The following FRG2C variants were observed in gnomAD, a reference collection of about 807,000 sequenced individuals.
The protein encoded by FRG2C is FSHD region gene 2 family member C.
Under a neutral mutation model 14.1 loss-of-function variants are expected in FRG2C, and 8 were observed. That is an observed-to-expected ratio of 0.57 (90% CI 0.33 to 1.02). FRG2C has a LOEUF of 1.02. FRG2C is among the 50% of genes least tolerant of loss of function. The pLI is 0.03. For synonymous variants in FRG2C, 92 were observed against 127.4 expected (o/e 0.72, Z 1.87); for missense variants, 214 against 334.2 (o/e 0.64, Z 2.80).
At chr3:75,665,081 G>T (rs1937049187) in intron 2 of FRG2C, 45 bp from the exon 3 acceptor site, 1 of 1,606,366 alleles carries the variant, frequency 6.2e-7, no homozygotes, top group Non-Finnish European at 8.5e-7. Context: ...GAATTTCAGG[G>T]TGTTCAGTTG....
chr3:75,665,571 T>G lies in FRG2C; in HGVS notation c.379T>G (p.Ser127Ala). ...GTGCAACTTGACGTTGAATAAAAAA[T>G]CAAGATCCTCCACTGCTGTGCACAA... ...EECNLTLNKK[S>A]RSSTAVHNSE... Residue 127 changes from serine to alanine, a missense_variant, in exon 4 of 4, where the codon TCA becomes GCA. Ser to Ala is a moderately conservative substitution (Grantham distance 99). This residue lies in a region of FRG2C where 136 missense variants were observed against 148.1 expected (regional missense o/e 0.92). Transcript: ENST00000308062. 1.9e-6 allele frequency: 3 copies of G among 1,613,962 alleles called. No individual in the cohort carries two copies. The highest frequency in any genetic ancestry group is 2.5e-6 in the Non-Finnish European group (3 of 1,179,828).
chr3:75,664,814 T>G lies in FRG2C; in HGVS notation c.179-5T>G. 1 of 1,614,180 alleles carries G rather than the reference T, an allele frequency of 6.2e-7. No homozygotes were observed. The highest frequency in any genetic ancestry group is 8.5e-7 in the Non-Finnish European group (1 of 1,180,028). ...GAGGTGAGCCATCTAAACCTTCTCTTGCAGCAGGATCAGATCCCAATCCAA... is the reference window on the plus strand; with the variant it reads ...GAGGTGAGCCATCTAAACCTTCTCTGGCAGCAGGATCAGATCCCAATCCAA... On this transcript the variant is annotated splice_region_variant and splice_polypyrimidine_tract_variant and intron_variant, in intron 1 of 3. Coordinates refer to ENST00000308062, the MANE Select transcript of FRG2C (RefSeq NM_001124759.5).
intron 3 of FRG2C, among the ~76,000 whole-genome samples, 159 bp downstream of exon 3, chr3:75,665,362 A>C (rs1424782401): frequency 1.3e-5 from 2 of 152,304 alleles, no homozygotes; most frequent in African/African-American, 2.4e-5. Flanking sequence ...CACTCTGAGA[A>C]TATTTGGGGA....
rs1208149846 is a variant in FRG2C, at chr3:75,666,237, T to C, written c.*196T>C. On this transcript the variant is annotated 3_prime_UTR_variant, in exon 4 of 4. Coordinates refer to ENST00000308062, the MANE Select transcript of FRG2C (RefSeq NM_001124759.5). ...TGAATTTTGCAGACCGCTAAGGCTA[T>C]AGACAAATTTTATATTTCATGTTAG... is the stretch of plus-strand genomic sequence containing the variant. 366 of 1,218,126 alleles carry C rather than the reference T, an allele frequency of 3.0e-4. No homozygotes were observed. In the African/African-American group the frequency reaches 4.9e-3, roughly 16 times the overall value. 75.5% of individuals were successfully genotyped at this position (1,218,126 alleles called of 1,614,324 possible). A position where few individuals can be genotyped will look rare whatever the true frequency, so the allele number is the denominator to read the frequency against.
chr3:75,665,353 A>G, intron 3 of FRG2C, 150 bp downstream of exon 3: 1 of 1,428,034 alleles, frequency 7.0e-7, no homozygotes, highest in South Asian at 1.3e-5. Flanking sequence ...AGATCCTAGC[A>G]CTCTGAGAAT....
Position 75,666,158 on chromosome 3 carries a change from C to G in FRG2C, c.*117C>G. The G allele has an allele frequency of 6.4e-7, 1 of 1,565,174 alleles. No homozygotes were observed. The highest frequency in any genetic ancestry group is 1.4e-5 in the African/African-American group (1 of 73,620). On this transcript the variant is annotated 3_prime_UTR_variant, in exon 4 of 4. Transcript: ENST00000308062. ...TGCACTGTGTTAATAAATGACAGAA[C>G]CTGAAGAAGTCATAGGAAAGAAACT...
In FRG2C at chr3:75,665,518, T is replaced by G. The variant is rs1937065852; in HGVS notation, c.335-9T>G. 2 of 1,610,926 alleles carry G rather than the reference T, an allele frequency of 1.2e-6. No individual in the cohort carries two copies. The highest frequency in any genetic ancestry group is 1.7e-5 in the Admixed American group (1 of 59,742). ...GCTCTGGTGAGTCTCTCACATGCTT[T>G]CTTTGCAGGGAACTGTCCAGAAGAG... On this transcript the variant is annotated splice_polypyrimidine_tract_variant and intron_variant, in intron 3 of 3. Coordinates refer to ENST00000308062, the MANE Select transcript of FRG2C (RefSeq NM_001124759.5).
In FRG2C at chr3:75,665,288, CTT is replaced by C. The variant is rs1429804150; in HGVS notation, c.334+88_334+89del. The C allele has an allele frequency of 7.4e-5, 110 of 1,486,122 alleles. No individual in the cohort carries two copies. The South Asian group carries it at 1.1e-3, about 15-fold the overall frequency. The allele number at this position is 1,486,122 out of a possible 1,614,324, so 92.1% of individuals were successfully genotyped here. ...CCCCAAAAGGCAAATAATCAGGAAACTTTTATACGAGGCTTGAGCGGAAAGGG... is the reference window on the plus strand; with the variant it reads ...CCCCAAAAGGCAAATAATCAGGAAACTTATACGAGGCTTGAGCGGAAAGGG... On this transcript the variant is annotated intron_variant, in intron 3 of 3. Transcript: ENST00000308062.
chr3:75,665,285 A>G, intron 3 of FRG2C, 82 bp downstream of exon 3: 1 of 1,490,642 alleles, frequency 6.7e-7, no homozygotes, highest in East Asian at 2.3e-5. Context: ...AATAATCAGG[A>G]AACTTTTATA....
Position 75,665,519 on chromosome 3 carries a change from C to T in FRG2C, c.335-8C>T. ...CTCTGGTGAGTCTCTCACATGCTTT[C>T]TTTGCAGGGAACTGTCCAGAAGAGG... On this transcript the variant is annotated splice_region_variant and splice_polypyrimidine_tract_variant and intron_variant, in intron 3 of 3. Coordinates refer to ENST00000308062, the MANE Select transcript of FRG2C (RefSeq NM_001124759.5). 6.2e-7 allele frequency: 1 copy of T among 1,611,026 alleles called. No individual in the cohort carries two copies. Among genetic ancestry groups the T allele is most frequent in the African/African-American group, 1.3e-5 (1 of 74,882 alleles).
rs1202402500 is a variant in FRG2C, at chr3:75,666,042, C to T, written c.*1C>T. 5.0e-6 allele frequency: 8 copies of T among 1,612,110 alleles called. No individual in the cohort carries two copies. In the Admixed American group the frequency reaches 5.0e-5, roughly 10 times the overall value. On this transcript the variant is annotated 3_prime_UTR_variant, in exon 4 of 4. Coordinates refer to ENST00000308062, the MANE Select transcript of FRG2C (RefSeq NM_001124759.5). ...TGAGGCTAAGCTGGGAGCACCCTGACCCTATTCAGCAGAGATGCAGCTCTG... is the reference window on the plus strand; with the variant it reads ...TGAGGCTAAGCTGGGAGCACCCTGATCCTATTCAGCAGAGATGCAGCTCTG...
rs62247157 is a variant in FRG2C, at chr3:75,665,551, A to T, written c.359A>T (p.Asn120Ile). The T allele has an allele frequency of 1.3e-4, 201 of 1,593,284 alleles. No homozygotes were observed. In the African/African-American group the frequency reaches 2.5e-3, roughly 20 times the overall value. ...GGGAACTGTCCAGAAGAGGAGTGCA[A>T]CTTGACGTTGAATAAAAAATCAAGA... ...RAGNCPEEECNLTLNKKSRSS... is the reference protein window; with the variant it reads ...RAGNCPEEECILTLNKKSRSS... Residue 120 changes from asparagine to isoleucine, a missense_variant, in exon 4 of 4, where the codon AAC becomes ATC. By Grantham distance (149) the Asn-to-Ile change is moderately radical. This residue lies in a region of FRG2C where 136 missense variants were observed against 148.1 expected (regional missense o/e 0.92). Transcript: ENST00000308062.
Position 75,665,669 on chromosome 3 carries a change from G to T in FRG2C, c.477G>T (p.Arg159=). ...GGGCTTGCACTGGGCGCAGCAAGCG[G>T]CATAGGTCTCGGGCCCTAGAAGTCC... is the stretch of plus-strand genomic sequence containing the variant. ...SSRACTGRSK[R]HRSRALEVQT... is the part of the protein sequence containing the mutation. Residue 159 remains arginine (R), a synonymous_variant, in exon 4 of 4, where the codon CGG becomes CGT. Coordinates refer to ENST00000308062, the MANE Select transcript of FRG2C (RefSeq NM_001124759.5). 1 of 1,613,932 alleles carries T rather than the reference G, an allele frequency of 6.2e-7. No homozygotes were observed.
Position 75,666,531 on chromosome 3 carries a change from C to A in FRG2C, c.*490C>A. ...AGTAGCTGGGACTACAGGCATGTAC[C>A]GCCATGCCTGGCTAATGTTTTTTTC... On this transcript the variant is annotated 3_prime_UTR_variant, in exon 4 of 4. Transcript: ENST00000308062. 1 of 198,768 alleles carries A rather than the reference C, an allele frequency of 5.0e-6. No individual in the cohort carries two copies. Among genetic ancestry groups the A allele is most frequent in the South Asian group, 1.0e-4 (1 of 10,000 alleles). The allele number at this position is 198,768 out of a possible 1,614,324, so 12.3% of individuals were successfully genotyped here. A position where few individuals can be genotyped will look rare whatever the true frequency, so the allele number is the denominator to read the frequency against.
Position 75,665,767 on chromosome 3 carries a change from C to T in FRG2C, c.575C>T (p.Ala192Val), listed in dbSNP as rs1206746144. The change falls in exon 4 of 4, where the codon GCC (alanine) becomes GTC (valine). Residue 192 changes from alanine (A) to valine (V), a missense_variant. By Grantham distance (64) the Ala-to-Val change is moderately conservative. Around this residue, in one of 3 missense-constraint regions of FRG2C, gnomAD observed 55 missense variants for 118.9 expected, o/e 0.46. Transcript: ENST00000308062. ...AMSEAVYQDLAQVWAQQIHSP... is the reference protein window; with the variant it reads ...AMSEAVYQDLVQVWAQQIHSP... ...TCGGAGGCTGTTTATCAAGACCTAG[C>T]CCAGGTGTGGGCACAGCAGATCCAT... The T allele has an allele frequency of 1.9e-6, 3 of 1,614,066 alleles. No individual in the cohort carries two copies. The highest frequency in any genetic ancestry group is 3.3e-5 in the Admixed American group (2 of 60,024).
Position 75,666,089 on chromosome 3 carries a change from T to C in FRG2C, c.*48T>C. ...TCTGGGAATGAGAACAAGGACCTGC[T>C]TCTTCTCAGATTCTTCCAGACGACC... On this transcript the variant is annotated 3_prime_UTR_variant, in exon 4 of 4. Coordinates refer to ENST00000308062, the MANE Select transcript of FRG2C (RefSeq NM_001124759.5). The C allele has an allele frequency of 6.2e-7, 1 of 1,605,744 alleles. No homozygotes were observed. Among genetic ancestry groups the C allele is most frequent in the Non-Finnish European group, 8.5e-7 (1 of 1,179,638 alleles).
chr3:75,664,376 C>A lies in FRG2C; in HGVS notation c.-4C>A. On this transcript the variant is annotated 5_prime_UTR_variant, in exon 1 of 4. Transcript: ENST00000308062. The stretch of plus-strand genomic sequence containing the variant: ...GAGAGCGCACCTTTCACTTGAGCTT[C>A]AACATGGGAAAGGGAAATGAAGACC... The A allele has an allele frequency of 1.2e-6, 2 of 1,612,134 alleles. No individual in the cohort carries two copies. Among genetic ancestry groups the A allele is most frequent in the Non-Finnish European group, 1.7e-6 (2 of 1,179,874 alleles).
In FRG2C at chr3:75,665,921, C is replaced by T. The variant is rs199498514; in HGVS notation, c.729C>T (p.Val243=). The change falls in exon 4 of 4, where the codon GTC becomes GTT. Residue 243 remains valine (V), a synonymous_variant. Coordinates refer to ENST00000308062, the MANE Select transcript of FRG2C (RefSeq NM_001124759.5). ...AYVFPAESWL[V]PATLPGPGDS... is the part of the protein sequence containing the mutation. ...TCTTCCCTGCTGAGAGCTGGCTTGTCCCAGCCACACTGCCTGGTCCTGGGG... is the reference window on the plus strand; with the variant it reads ...TCTTCCCTGCTGAGAGCTGGCTTGTTCCAGCCACACTGCCTGGTCCTGGGG... 6.2e-7 allele frequency: 1 copy of T among 1,610,126 alleles called. No individual in the cohort carries two copies. The highest frequency in any genetic ancestry group is 8.5e-7 in the Non-Finnish European group (1 of 1,177,472).
intron 1 of FRG2C, 42 bp from the exon 2 acceptor site, chr3:75,664,777 T>C (rs1575739967): frequency 6.2e-7 from 1 of 1,613,890 alleles, no homozygotes. Context: ...ACTATGGGAC[T>C]CTGCCTAGGG....
Sources: gnomAD v4.1 joint callset for allele counts (sites outside exome capture counted in the v4.1 genomes callset) on GRCh38, gnomAD v4.1.1 for gene constraint, gnomAD v4.1.1 regional missense constraint, MANE v1.5 for transcripts, NCBI Gene and HGNC (gene_info 2026-07-23, HGNC 2026-07-21) for gene names.